The following MEGF10 variants were observed in gnomAD, a reference collection of about 807,000 sequenced individuals.
MEGF10 encodes the protein multiple EGF like domains 10.
In MEGF10, 86 loss-of-function variants were observed where a neutral mutation model predicts 147.5. That is an observed-to-expected ratio of 0.58 (90% CI 0.49 to 0.70). The LOEUF is 0.70. Ranked by LOEUF, MEGF10 falls within the 30% of genes least tolerant of loss-of-function variation. The pLI, the probability that MEGF10 is intolerant of heterozygous loss-of-function variation, is 0.00. For synonymous variants in MEGF10, 478 were observed against 525.5 expected, an observed-to-expected ratio of 0.91 and a Z score of 1.24; for missense variants, 1,329 against 1,487.3, an observed-to-expected ratio of 0.89 and a Z score of 1.75.
the MEGF10 span, among the ~76,000 whole-genome samples, chr5:127,244,384 GAAAA>G: frequency 7.2e-6 from 1 of 138,602 alleles, no homozygotes; most frequent in African/African-American, 2.6e-5. Flanking sequence ...AAAAAAAAAA[GAAAA>G]GAAATGGTAT....
intron 10 of MEGF10, 52 bp downstream of exon 10, chr5:127,417,864 T>C: frequency 6.4e-7 from 1 of 1,558,696 alleles, no homozygotes; most frequent in Non-Finnish European, 8.7e-7. Flanking sequence ...GTGTGAAGCA[T>C]CTCAATACCA....
the MEGF10 span, among the ~76,000 whole-genome samples, chr5:127,282,416 T>A: frequency 6.6e-6 from 1 of 152,228 alleles, no homozygotes; most frequent in Non-Finnish European, 1.5e-5. Flanking sequence ...GGAGTGGATT[T>A]GGATACACGT....
upstream of MEGF10, among the ~76,000 whole-genome samples, chr5:127,287,742 G>T (rs1414332751): frequency 6.6e-6 from 1 of 151,700 alleles, no homozygotes; most frequent in Admixed American, 6.6e-5. Context: ...TTACATGGAA[G>T]ATGAAAACCA....
intron 1 of MEGF10, among the ~76,000 whole-genome samples, chr5:127,303,321 T>A (rs1759856698): frequency 7.7e-6 from 1 of 130,372 alleles, no homozygotes; most frequent in Non-Finnish European, 1.5e-5. Context: ...GGACAACAGA[T>A]CGAGACTCCA....
chr5:127,402,207 A>T (rs1561622960), intron 7 of MEGF10, among the ~76,000 whole-genome samples: 3 of 152,232 alleles, frequency 2.0e-5, no homozygotes, highest in Non-Finnish European at 4.4e-5. Context: ...ACAAGGAAGA[A>T]CACTTATGAG....
intron 5 of MEGF10, among the ~76,000 whole-genome samples, chr5:127,395,412 G>T (rs1229760078): frequency 6.6e-6 from 1 of 151,650 alleles, no homozygotes; most frequent in East Asian, 1.9e-4. Context: ...GGATTCTTCG[G>T]CTTCAGGCTT....
At chr5:127,421,448 C>G (rs1459296906) in intron 12 of MEGF10, among the ~76,000 whole-genome samples, 3 of 152,190 alleles carry the variant, frequency 2.0e-5, no homozygotes, top group Non-Finnish European at 4.4e-5. Context: ...CCCTGTTTCT[C>G]TTAGTTCTTG....
chr5:127,355,695 A>G (rs1762254234), intron 4 of MEGF10, among the ~76,000 whole-genome samples: 1 of 152,222 alleles, frequency 6.6e-6, no homozygotes, highest in Non-Finnish European at 1.5e-5. Flanking sequence ...GAAATCTAAT[A>G]AATAACAAGA....
the MEGF10 span, among the ~76,000 whole-genome samples, chr5:127,282,954 A>G: frequency 6.6e-6 from 1 of 152,224 alleles, no homozygotes; most frequent in African/African-American, 2.4e-5. Context: ...GCCTGACCAG[A>G]TTGGTTCAGC....
At chr5:127,455,744 T>G in intron 24 of MEGF10, 137 bp downstream of exon 24, 2 of 704,700 alleles carry the variant, frequency 2.8e-6, no homozygotes, top group South Asian at 4.7e-5. Flanking sequence ...TATTTTATTT[T>G]ATTTTATGTA....
chr5:127,414,537 G>A (rs535974967), intron 9 of MEGF10, among the ~76,000 whole-genome samples: 42 of 152,136 alleles, frequency 2.8e-4, no homozygotes, highest in African/African-American at 9.4e-4. Flanking sequence ...TTTCCTTTAA[G>A]CCAAGACTTT....
At chr5:127,455,764 A>G (rs1766341543) in intron 24 of MEGF10, among the ~76,000 whole-genome samples, 157 bp downstream of exon 24, 1 of 137,590 alleles carries the variant, frequency 7.3e-6, no homozygotes, top group African/African-American at 3.2e-5. Context: ...ATTTTTTGAG[A>G]TGGGGTCTCT....
At chr5:127,307,266 CAAAG>C (rs1760056959) in intron 1 of MEGF10, among the ~76,000 whole-genome samples, 1 of 152,130 alleles carries the variant, frequency 6.6e-6, no homozygotes, top group African/African-American at 2.4e-5. Flanking sequence ...CTTCACAAGA[CAAAG>C]AGATCAAAAA....
the MEGF10 span, among the ~76,000 whole-genome samples, chr5:127,232,159 T>C: frequency 3.9e-5 from 6 of 152,260 alleles, no homozygotes; most frequent in South Asian, 2.1e-4. Context: ...CACATTTTCT[T>C]TGAAAATAAA....
At chr5:127,337,374 C>A (rs1180919420) in intron 2 of MEGF10, among the ~76,000 whole-genome samples, 8 of 151,956 alleles carry the variant, frequency 5.3e-5, no homozygotes, top group Admixed American at 3.3e-4. Flanking sequence ...ATGACTCAGG[C>A]CACATAGTTA....
At chr5:127,238,015 G>T in the MEGF10 span, among the ~76,000 whole-genome samples, 1 of 147,124 alleles carries the variant, frequency 6.8e-6, no homozygotes, top group Non-Finnish European at 1.5e-5. Flanking sequence ...TTTTAACAGG[G>T]TATAAACTTC....
At chr5:127,410,064 C>T (rs144980518) in intron 8 of MEGF10, among the ~76,000 whole-genome samples, 250 of 152,300 alleles carry the variant, frequency 1.6e-3, no homozygotes, top group African/African-American at 5.8e-3. Context: ...TTCTTAGTAT[C>T]TACTAAAGTG....
the MEGF10 span, among the ~76,000 whole-genome samples, chr5:127,254,602 G>A: frequency 6.6e-6 from 1 of 151,972 alleles, no homozygotes; most frequent in Non-Finnish European, 1.5e-5. Flanking sequence ...CCTGAGGTCA[G>A]GAGTTCAAGA....
At chr5:127,324,745 G>A (rs563483563) in intron 1 of MEGF10, among the ~76,000 whole-genome samples, 3 of 152,312 alleles carry the variant, frequency 2.0e-5, no homozygotes, top group Admixed American at 6.5e-5. Flanking sequence ...CAGAGAGGAA[G>A]AATTAAACTG....
Sources: gnomAD v4.1 joint callset for allele counts (sites outside exome capture counted in the v4.1 genomes callset) on GRCh38, gnomAD v4.1.1 for gene constraint, MANE v1.5 for transcripts, NCBI Gene and HGNC (gene_info 2026-07-23, HGNC 2026-07-21) for gene names.